The following PRCC variants were observed in gnomAD, a reference collection of about 807,000 sequenced individuals.
PRCC encodes proline-rich protein PRCC.
Under a neutral mutation model 44.0 loss-of-function variants are expected in PRCC, and 10 were observed. The ratio of observed to expected loss-of-function variants is 0.23; its 90% CI spans 0.14 to 0.39. The LOEUF (loss-of-function observed/expected upper bound fraction) is 0.39. Among genes scored for constraint, PRCC ranks in the 10% least tolerant of loss-of-function variants. The probability of loss-of-function intolerance (pLI) is 1.00; values close to 1 mark genes in which losing one functional copy is unlikely to be tolerated. For missense variants in PRCC, 573 were observed against 624.7 expected (o/e 0.92, Z 0.88); for synonymous variants, 278 against 259.5 (o/e 1.07, Z -0.69).
chr1:156,769,489 T>C (rs1558043977), intron 1 of PRCC, among the ~76,000 whole-genome samples: 5 of 152,216 alleles, frequency 3.3e-5, no homozygotes, highest in Admixed American at 2.0e-4. Context: ...AATACTCCCA[T>C]GGATATTTTG....
chr1:156,798,814 A>G (rs1652749028), intron 6 of PRCC, among the ~76,000 whole-genome samples: 1 of 144,420 alleles, frequency 6.9e-6, no homozygotes, highest in Non-Finnish European at 1.5e-5. Flanking sequence ...GCGCCACTGC[A>G]CTCCAGCCTG....
intron 2 of PRCC, among the ~76,000 whole-genome samples, chr1:156,782,631 G>T (rs1652087795): frequency 6.6e-6 from 1 of 152,134 alleles, no homozygotes; most frequent in Non-Finnish European, 1.5e-5. Context: ...TTTAGGGAGG[G>T]TAGAATAAGT....
Position 156,800,557 on chromosome 1 carries a change from C to A in PRCC, c.*97C>A. 1.6e-6 allele frequency: 2 copies of A among 1,272,340 alleles called. No individual in the cohort carries two copies. The highest frequency in any genetic ancestry group is 2.3e-6 in the Non-Finnish European group (2 of 878,292). 78.8% of individuals were successfully genotyped at this position (1,272,340 alleles called of 1,614,324 possible). ...ACCCCAGCTGCTCTAAGCCCAGGAT[C>A]TCTTTCCCCAAGGACCCAGCCCTCG... On this transcript the variant is annotated 3_prime_UTR_variant, in exon 7 of 7. Transcript: ENST00000271526.
At chr1:156,797,168 T>C (rs1652685770) in intron 5 of PRCC, 108 bp from the exon 6 acceptor site, 1 of 1,301,256 alleles carries the variant, frequency 7.7e-7, no homozygotes, top group Non-Finnish European at 1.1e-6. Flanking sequence ...CCCCCAGGAT[T>C]TGGGCTGTGG....
chr1:156,793,571 C>T (rs566741043), intron 4 of PRCC, among the ~76,000 whole-genome samples: 3 of 151,498 alleles, frequency 2.0e-5, no homozygotes, highest in Non-Finnish European at 2.9e-5. Flanking sequence ...TCCTTTTCTA[C>T]GCAGCCCCAC....
intron 1 of PRCC, among the ~76,000 whole-genome samples, chr1:156,777,019 T>C (rs1400249208): frequency 2.0e-5 from 3 of 152,246 alleles, no homozygotes; most frequent in East Asian, 1.9e-4. Flanking sequence ...TTTTGAACTT[T>C]GTTTAGAATT....
intron 1 of PRCC, among the ~76,000 whole-genome samples, chr1:156,777,171 T>A (rs1037761424): frequency 6.6e-6 from 1 of 152,140 alleles, no homozygotes; most frequent in South Asian, 2.1e-4. Flanking sequence ...CCAGTGCTTC[T>A]GATTTTGTGC....
rs67388360 is a variant in PRCC at position 156,792,053 on chromosome 1, C to CTTTTTTTTTTTTTTTTTTTTTTTTT, written c.1179+265_1179+289dup. On this transcript the variant is annotated intron_variant, in intron 4 of 6. Coordinates refer to ENST00000271526, the MANE Select transcript of PRCC (RefSeq NM_005973.5). ...ACAGAGTCAGGGATCTAGTCCCCTT[C>CTTTTTTTTTTTTTTTTTTTTTTTTT]TTTTTTTTTTTTTTTTTTTTTTTTT... Among the ~76,000 whole-genome samples, 42 of 58,456 alleles carry CTTTTTTTTTTTTTTTTTTTTTTTTT rather than the reference C, an allele frequency of 7.2e-4. 8 individuals carry two copies. Among genetic ancestry groups the CTTTTTTTTTTTTTTTTTTTTTTTTT allele is most frequent in the East Asian group, 2.7e-3 (3 of 1,102 alleles). 38.3% of individuals were successfully genotyped at this position (58,456 alleles called of 152,430 possible). A position where few individuals can be genotyped will look rare whatever the true frequency, so the allele number is the denominator to read the frequency against.
intron 3 of PRCC, among the ~76,000 whole-genome samples, chr1:156,789,315 A>T (rs1426089906): frequency 6.6e-6 from 1 of 152,158 alleles, no homozygotes; most frequent in African/African-American, 2.4e-5. Flanking sequence ...TAGCTGTAAA[A>T]TTTTTCCTAG....
intron 2 of PRCC, among the ~76,000 whole-genome samples, chr1:156,785,559 A>C (rs777559966): frequency 7.3e-5 from 11 of 150,686 alleles, no homozygotes; most frequent in Non-Finnish European, 1.2e-4. Context: ...GAGCTGCCCC[A>C]CCCAAGCTGA....
At chr1:156,797,445 C>T in intron 6 of PRCC, 104 bp downstream of exon 6, 2 of 1,384,832 alleles carry the variant, frequency 1.4e-6, no homozygotes, top group African/African-American at 1.4e-5. Context: ...CTTTTAGCAG[C>T]CCATCTTTTA....
chr1:156,795,309 T>TC (rs1652628724), intron 5 of PRCC, among the ~76,000 whole-genome samples: 2 of 122,168 alleles, frequency 1.6e-5, no homozygotes, highest in African/African-American at 5.7e-5. Context: ...TTTTTTTTTT[T>TC]CAGAGTCTCA....
chr1:156,767,714 C>T lies in PRCC; in HGVS notation c.-58C>T, dbSNP rs1307371721. ...CGGGGCCTACTAGGCCTCCGGGCAT[C>T]CCCGGTCTCAAGTAGGCCTCATCTG... On this transcript the variant is annotated 5_prime_UTR_variant, in exon 1 of 7. Coordinates refer to ENST00000271526, the MANE Select transcript of PRCC (RefSeq NM_005973.5). 1.3e-6 allele frequency: 2 copies of T among 1,496,904 alleles called. No individual in the cohort carries two copies. Among genetic ancestry groups the T allele is most frequent in the African/African-American group, 1.4e-5 (1 of 71,522 alleles). The allele number at this position is 1,496,904 out of a possible 1,614,324, so 92.7% of individuals were successfully genotyped here. A position where few individuals can be genotyped will look rare whatever the true frequency, so the allele number is the denominator to read the frequency against.
At chr1:156,785,578 G>A (rs1652212003) in intron 2 of PRCC, among the ~76,000 whole-genome samples, 1 of 148,232 alleles carries the variant, frequency 6.7e-6, no homozygotes, top group Non-Finnish European at 1.5e-5. Flanking sequence ...GAGGCTTCAG[G>A]TTCCTATCTA....
At chr1:156,776,101 A>G (rs1651818444) in intron 1 of PRCC, among the ~76,000 whole-genome samples, 1 of 152,220 alleles carries the variant, frequency 6.6e-6, no homozygotes, top group South Asian at 2.1e-4. Context: ...CATGCCTGCA[A>G]TCCCAACACT....
rs938293332 is a variant in PRCC at position 156,799,384 on chromosome 1, C to T, written c.1390-990C>T. 2.0e-5 allele frequency among the ~76,000 whole-genome samples: 3 copies of T among 152,052 alleles called. No individual in the cohort carries two copies. The South Asian group carries it at 6.2e-4, about 31-fold the overall frequency. On this transcript the variant is annotated intron_variant, in intron 6 of 6. Coordinates refer to ENST00000271526, the MANE Select transcript of PRCC (RefSeq NM_005973.5). ...GAAAAAAACCCATGTATGAGTGGAC[C>T]TGTGCAGCTCAAACTCATGTTAAGG...
At chr1:156,792,651 A>T (rs1326102963) in intron 4 of PRCC, among the ~76,000 whole-genome samples, 1 of 152,000 alleles carries the variant, frequency 6.6e-6, no homozygotes, top group Non-Finnish European at 1.5e-5. Context: ...ACGGGGTTTC[A>T]CCACATTGGC....
chr1:156,769,103 A>G (rs868422316), intron 1 of PRCC, among the ~76,000 whole-genome samples: 1 of 152,226 alleles, frequency 6.6e-6, no homozygotes, highest in African/African-American at 2.4e-5. Context: ...TGGAGCAGGA[A>G]CTGCTTAGAA....
At chr1:156,793,381 CCTT>C (rs1652556370) in intron 4 of PRCC, among the ~76,000 whole-genome samples, 1 of 152,158 alleles carries the variant, frequency 6.6e-6, no homozygotes, top group African/African-American at 2.4e-5. Flanking sequence ...AAATTCTATT[CCTT>C]CTTCACCCCA....
Sources: gnomAD v4.1 joint callset for allele counts (sites outside exome capture counted in the v4.1 genomes callset) on GRCh38, gnomAD v4.1.1 for gene constraint, MANE v1.5 for transcripts, NCBI Gene and HGNC (gene_info 2026-07-23, HGNC 2026-07-21) for gene names.